The following LAMA1 variants were observed in gnomAD, a reference collection of about 807,000 sequenced individuals.
The protein encoded by LAMA1 is laminin subunit alpha-1.
Under a neutral mutation model 348.7 loss-of-function variants are expected in LAMA1, and 219 were observed. That is an observed-to-expected ratio of 0.63 (90% confidence interval 0.56 to 0.70). The LOEUF is 0.70. Among genes scored for constraint, LAMA1 ranks in the 30% least tolerant of loss-of-function variants. LAMA1 has a pLI of 0.00. For synonymous variants in LAMA1, 1,487 were observed against 1,491.0 expected, an observed-to-expected ratio of 1.00 and a Z score of 0.06; for missense variants, 3,744 against 3,888.0, an observed-to-expected ratio of 0.96 and a Z score of 0.99.
At chr18:7,098,195 G>A (rs890503376) in intron 1 of LAMA1, among the ~76,000 whole-genome samples, 5 of 151,886 alleles carry the variant, frequency 3.3e-5, no homozygotes, top group South Asian at 4.2e-4. Flanking sequence ...ATCTCGGCTC[G>A]CTACAACCTC....
intron 39 of LAMA1, among the ~76,000 whole-genome samples, chr18:6,984,803 T>C (rs1440677839): frequency 6.6e-6 from 1 of 152,170 alleles, no homozygotes; most frequent in Non-Finnish European, 1.5e-5. Flanking sequence ...AACACTTCTA[T>C]AGGTAGAGAG....
rs748177102 is a variant in LAMA1, at chr18:6,982,503, G to A, written c.5884C>T (p.Leu1962Phe). 9.3e-6 allele frequency: 15 copies of A among 1,614,008 alleles called. No individual in the cohort carries two copies. The highest frequency in any genetic ancestry group is 1.3e-5 in the African/African-American group (1 of 74,936). Residue 1962 changes from leucine to phenylalanine, a missense_variant, in exon 41 of 63, where the codon CTT (leucine) becomes TTT (phenylalanine). Around this residue, in one of 3 missense-constraint regions of LAMA1, gnomAD observed 1,983 missense variants for 1,934.3 expected, o/e 1.03. Transcript: ENST00000389658. ...GTCCGAGCCACATACTGACCTGGAA[G>A]CTTCCTGCTGAGGTTGTTGCCTTCT... ...LKEGNNLSRK[L>F]PGIALELSEL...
At chr18:7,000,517 C>A (rs1322938768) in intron 30 of LAMA1, among the ~76,000 whole-genome samples, 1 of 152,214 alleles carries the variant, frequency 6.6e-6, no homozygotes, top group Non-Finnish European at 1.5e-5. Flanking sequence ...TAAAGGCAGG[C>A]AGGGAGTTAT....
intron 7 of LAMA1, among the ~76,000 whole-genome samples, chr18:7,044,031 C>T (rs2058031792): frequency 6.6e-6 from 1 of 151,856 alleles, no homozygotes; most frequent in African/African-American, 2.4e-5. Flanking sequence ...TGGTGGGCAC[C>T]TGTAGTCCCA....
intron 7 of LAMA1, among the ~76,000 whole-genome samples, chr18:7,044,295 A>T (rs2058033196): frequency 6.6e-6 from 1 of 152,140 alleles, no homozygotes; most frequent in Admixed American, 6.5e-5. Flanking sequence ...TAGGAAGGAC[A>T]TACTAGAAAA....
chr18:6,948,310 T>A, intron 60 of LAMA1, 93 bp downstream of exon 60: 1 of 1,522,086 alleles, frequency 6.6e-7, no homozygotes, highest in Non-Finnish European at 9.1e-7. Context: ...TGCAGCCTTG[T>A]CCAGTGGGTC....
intron 43 of LAMA1, 124 bp downstream of exon 43, chr18:6,978,072 A>C (rs2057690798): frequency 1.4e-6 from 2 of 1,396,482 alleles, no homozygotes; most frequent in Non-Finnish European, 2.0e-6. Context: ...ATAAAGGCTA[A>C]TCCAGATGTT....
intron 3 of LAMA1, among the ~76,000 whole-genome samples, chr18:7,063,596 C>T (rs1168782974): frequency 6.6e-6 from 1 of 152,128 alleles, no homozygotes; most frequent in African/African-American, 2.4e-5. Context: ...GTGGAAACAG[C>T]CCAGGTACCC....
chr18:6,976,589 T>C (rs493867), intron 44 of LAMA1, among the ~76,000 whole-genome samples: 28,181 of 81,354 alleles, frequency 0.35, 3,294 homozygotes, highest in African/African-American at 0.56. Context: ...CTTGGGCTTA[T>C]ATTTATTTAT....
intron 55 of LAMA1, chr18:6,957,317 G>C (rs975005739): frequency 2.5e-5 from 4 of 160,972 alleles, no homozygotes; most frequent in African/African-American, 9.7e-5. Flanking sequence ...ACAAACCCAT[G>C]ACTTTCAGGA....
At chr18:7,098,692 G>T (rs1288365119) in intron 1 of LAMA1, among the ~76,000 whole-genome samples, 1 of 147,168 alleles carries the variant, frequency 6.8e-6, no homozygotes, top group East Asian at 2.0e-4. Context: ...TCTCCGCCCG[G>T]CAGCCACCCC....
At position 6,986,364 on chromosome 18, in the gene LAMA1, G is replaced by A; in HGVS notation, c.5169-17C>T. Reference sequence around the variant, plus strand: ...TCAGCAGCCCTGATAAATATGAATGGTTCACATAGTAAGTAAATGAACAAC... The same window carrying A: ...TCAGCAGCCCTGATAAATATGAATGATTCACATAGTAAGTAAATGAACAAC... On this transcript the variant is annotated splice_polypyrimidine_tract_variant and intron_variant, in intron 36 of 62. Transcript: ENST00000389658. 6.2e-7 allele frequency: 1 copy of A among 1,608,784 alleles called. No individual in the cohort carries two copies. Among genetic ancestry groups the A allele is most frequent in the South Asian group, 1.1e-5 (1 of 91,012 alleles).
rs372356899 is a variant in LAMA1 at position 7,035,576 on chromosome 18, C to T, written c.1839+411G>A. On this transcript the variant is annotated intron_variant, in intron 13 of 62. Coordinates refer to ENST00000389658, the MANE Select transcript of LAMA1 (RefSeq NM_005559.4). ...TACCTGGGATTACAGGCACGTGCCA[C>T]GGTGCCTGGCTAATATTTTTTGAGA... 3.2e-3 allele frequency among the ~76,000 whole-genome samples: 482 copies of T among 152,102 alleles called. 5 individuals carry two copies. The highest frequency in any genetic ancestry group is 9.7e-3 in the African/African-American group (401 of 41,522).
intron 36 of LAMA1, 136 bp downstream of exon 36, chr18:6,992,424 AG>A: frequency 1.3e-5 from 12 of 909,242 alleles, no homozygotes; most frequent in Non-Finnish European, 2.2e-5. Context: ...ACTTGACCAC[AG>A]GGCCCCTTCT....
intron 9 of LAMA1, among the ~76,000 whole-genome samples, chr18:7,040,748 T>C (rs2058016918): frequency 6.6e-6 from 1 of 152,176 alleles, no homozygotes; most frequent in Admixed American, 6.5e-5. Flanking sequence ...ATTCAAATGT[T>C]CATCAACTGA....
chr18:6,948,568 G>A lies in LAMA1; in HGVS notation c.8557-12C>T. The stretch of plus-strand genomic sequence containing the variant: ...ATGCTGTGGGTGATCTAAGCCAAAT[G>A]ACATGCAAGAGTAGACAGTGGTGAT... On this transcript the variant is annotated splice_polypyrimidine_tract_variant and intron_variant, in intron 59 of 62. Coordinates refer to ENST00000389658, the MANE Select transcript of LAMA1 (RefSeq NM_005559.4). The A allele has an allele frequency of 6.2e-7, 1 of 1,614,168 alleles. No homozygotes were observed. The highest frequency in any genetic ancestry group is 8.5e-7 in the Non-Finnish European group (1 of 1,180,036).
Position 7,038,858 on chromosome 18 carries a change from G to A in LAMA1, c.1515C>T (p.Cys505=). The A allele has an allele frequency of 6.2e-7, 1 of 1,614,210 alleles. No individual in the cohort carries two copies. ...KNPRGCSECF[C]FGVSDVCSSL... is the part of the protein sequence containing the mutation. ...TGCTGCAGACATCAGAAACGCCAAA[G>A]CAGAAGCACTCGGAGCAGCCCCGGG... The change falls in exon 11 of 63, where the codon TGC becomes TGT. Residue 505 remains cysteine, a synonymous_variant. Transcript: ENST00000389658.
chr18:7,116,378 C>T (rs1046556350), intron 1 of LAMA1, among the ~76,000 whole-genome samples: 1 of 152,220 alleles, frequency 6.6e-6, no homozygotes, highest in Non-Finnish European at 1.5e-5. Context: ...CTCCTTTCTT[C>T]TGGCTGATAA....
chr18:7,055,727 C>CTA (rs532911604), intron 3 of LAMA1, among the ~76,000 whole-genome samples: 2 of 152,106 alleles, frequency 1.3e-5, no homozygotes, highest in Non-Finnish European at 2.9e-5. Flanking sequence ...GATGTTTTGG[C>CTA]TATCTCTGAG....
Sources: allele counts gnomAD v4.1 joint callset (sites outside exome capture counted in the v4.1 genomes callset), GRCh38; gene constraint gnomAD v4.1.1; regional missense constraint gnomAD v4.1.1; transcripts MANE v1.5; gene names NCBI Gene and HGNC (gene_info 2026-07-23, HGNC 2026-07-21).